The following ITGAV variants were observed in gnomAD, a reference collection of about 807,000 sequenced individuals.
ITGAV encodes the protein integrin subunit alpha V.
In ITGAV, 76 loss-of-function variants were observed where a neutral mutation model predicts 143.8. The observed-to-expected ratio is 0.53, with a 90% CI of 0.44 to 0.64. The LOEUF (loss-of-function observed/expected upper bound fraction) is 0.64. ITGAV is among the 30% of genes least tolerant of loss of function. ITGAV has a pLI of 0.00. For synonymous variants in ITGAV, 453 were observed against 446.7 expected (o/e 1.01, Z -0.18); for missense variants, 1,193 against 1,274.7 (o/e 0.94, Z 0.98).
intron 23 of ITGAV, 148 bp from the exon 24 acceptor site, chr2:186,667,523 T>C (rs1448100875): frequency 3.8e-6 from 2 of 529,562 alleles, no homozygotes; most frequent in Non-Finnish European, 6.7e-6. Context: ...TTTTTGTGCA[T>C]GTGTGTGTTC....
chr2:186,622,308 G>A (rs1366191105), intron 2 of ITGAV, 31 bp from the exon 3 acceptor site: 4 of 1,421,498 alleles, frequency 2.8e-6, no homozygotes, highest in East Asian at 4.6e-5. Flanking sequence ...AGTATATTTT[G>A]TGTCTTACCA....
At chr2:186,659,223 T>C in intron 18 of ITGAV, 48 bp downstream of exon 18, 1 of 1,284,668 alleles carries the variant, frequency 7.8e-7, no homozygotes, top group Non-Finnish European at 1.0e-6. Flanking sequence ...TATTTTTTTT[T>C]ACAATTCATA....
intron 19 of ITGAV, 33 bp downstream of exon 19, chr2:186,663,868 A>G (rs764112827): frequency 2.8e-6 from 4 of 1,425,784 alleles, no homozygotes; most frequent in Admixed American, 3.4e-5. Flanking sequence ...ATGTAGTAAG[A>G]AATTTAAATG....
chr2:186,665,648 G>A (rs1303204218), intron 21 of ITGAV, among the ~76,000 whole-genome samples: 1 of 152,214 alleles, frequency 6.6e-6, no homozygotes, highest in African/African-American at 2.4e-5. Context: ...CTCCCCTTCA[G>A]ATGGTGGAGC....
At chr2:186,590,748 T>G (rs2105639927) in intron 1 of ITGAV, among the ~76,000 whole-genome samples, 1 of 152,316 alleles carries the variant, frequency 6.6e-6, no homozygotes, top group African/African-American at 2.4e-5. Flanking sequence ...CTCTTAAAAT[T>G]GGTTAGGGGC....
Position 186,602,104 on chromosome 2 carries a change from A to G in ITGAV, c.269A>G (p.Asp90Gly). Residue 90 changes from aspartate to glycine, a missense_variant, in exon 2 of 30, where the codon GAC (aspartate) becomes GGC (glycine). Physicochemically the swap from Asp to Gly is moderately conservative, Grantham distance 94. Coordinates refer to ENST00000261023, the MANE Select transcript of ITGAV (RefSeq NM_002210.5). ...GAAGGAGGGCAGGTCCTCAAATGTG[A>G]CTGGTCTTCTACCCGCCGGTGCCAG... ...IVEGGQVLKC[D>G]WSSTRRCQPI... The G allele has an allele frequency of 6.2e-7, 1 of 1,613,262 alleles. No homozygotes were observed. The highest frequency in any genetic ancestry group is 1.3e-5 in the African/African-American group (1 of 74,952).
chr2:186,622,215 T>C lies in ITGAV; in HGVS notation c.317-124T>C, dbSNP rs1559046604. 4 of 653,550 alleles carry C rather than the reference T, an allele frequency of 6.1e-6. No homozygotes were observed. The Admixed American group carries it at 8.4e-5, about 14-fold the overall frequency. The allele number at this position is 653,550 out of a possible 1,614,324, so 40.5% of individuals were successfully genotyped here. ...GTATATAAACTGTATATGAGAAAAA[T>C]AACCAGTGGAATATTTGATTAATCA... On this transcript the variant is annotated intron_variant, in intron 2 of 29. Coordinates refer to ENST00000261023, the MANE Select transcript of ITGAV (RefSeq NM_002210.5).
chr2:186,658,972 A>G, intron 17 of ITGAV, 66 bp from the exon 18 acceptor site: 1 of 1,241,298 alleles, frequency 8.1e-7, no homozygotes, highest in Non-Finnish European at 1.1e-6. Flanking sequence ...TGTAATGTGC[A>G]CTTATGGATT....
intron 18 of ITGAV, among the ~76,000 whole-genome samples, chr2:186,661,452 T>G (rs989234930): frequency 2.6e-5 from 4 of 152,180 alleles, no homozygotes; most frequent in Admixed American, 2.0e-4. Context: ...TGCGAGCGGT[T>G]ACTATATTGG....
chr2:186,616,577 C>T (rs947897501), intron 2 of ITGAV, among the ~76,000 whole-genome samples: 2 of 152,056 alleles, frequency 1.3e-5, no homozygotes, highest in Non-Finnish European at 2.9e-5. Context: ...CGCGCCCGGC[C>T]GATATACCTT....
At position 186,679,602 on chromosome 2, in the gene ITGAV, C is replaced by T. The variant is rs2105759733; in HGVS notation, c.*2310C>T. The T allele has an allele frequency of 6.6e-6, 1 of 151,488 alleles. No individual in the cohort carries two copies. The highest frequency in any genetic ancestry group is 2.1e-4 in the South Asian group (1 of 4,806). 9.4% of individuals were successfully genotyped at this position (151,488 alleles called of 1,614,324 possible). On this transcript the variant is annotated 3_prime_UTR_variant, in exon 30 of 30. Coordinates refer to ENST00000261023, the MANE Select transcript of ITGAV (RefSeq NM_002210.5). ...TTGTGATTTATTGAGAATAAAAATC[C>T]ATTTTGAAATGTAAAATTTTTATGA...
intron 12 of ITGAV, among the ~76,000 whole-genome samples, chr2:186,643,539 A>C (rs149596545): frequency 1.3e-5 from 2 of 152,228 alleles, no homozygotes; most frequent in Non-Finnish European, 1.5e-5. Context: ...TTGTTCATAC[A>C]TGAAGACATT....
intron 12 of ITGAV, among the ~76,000 whole-genome samples, chr2:186,646,237 A>G (rs1688253247): frequency 1.3e-5 from 2 of 152,184 alleles, no homozygotes; most frequent in South Asian, 4.1e-4. Context: ...CAGAAAAAAC[A>G]ATACCATCCA....
intron 4 of ITGAV, among the ~76,000 whole-genome samples, chr2:186,626,329 G>A (rs1457444547): frequency 6.6e-6 from 1 of 152,162 alleles, no homozygotes; most frequent in Non-Finnish European, 1.5e-5. Flanking sequence ...TCTCTTTGGA[G>A]ATTCCAGTCC....
At chr2:186,669,498 A>T (rs142312542) in intron 25 of ITGAV, among the ~76,000 whole-genome samples, 169 of 152,202 alleles carry the variant, frequency 1.1e-3, no homozygotes, top group African/African-American at 3.8e-3. Context: ...GGTTAGGGAG[A>T]GCTAACTTTT....
intron 17 of ITGAV, among the ~76,000 whole-genome samples, chr2:186,656,711 A>G (rs113596364): frequency 1.5e-3 from 229 of 152,328 alleles, no homozygotes; most frequent in African/African-American, 5.3e-3. Context: ...TGAGCAATCA[A>G]CTAAAAAACT....
chr2:186,590,282 T>G lies in ITGAV; in HGVS notation c.-57T>G. 2.2e-6 allele frequency: 3 copies of G among 1,370,554 alleles called. No individual in the cohort carries two copies. The highest frequency in any genetic ancestry group is 1.8e-5 in the South Asian group (1 of 54,698). 84.9% of individuals were successfully genotyped at this position (1,370,554 alleles called of 1,614,324 possible). On this transcript the variant is annotated 5_prime_UTR_variant, in exon 1 of 30. Coordinates refer to ENST00000261023, the MANE Select transcript of ITGAV (RefSeq NM_002210.5). ...GGGCCGCGGGCACTGGGCGCCTCGC[T>G]GGGGCGGGGGGAGGTGGCTACCGCT...
chr2:186,648,935 TA>T (rs1415979005), intron 13 of ITGAV, among the ~76,000 whole-genome samples: 17 of 148,834 alleles, frequency 1.1e-4, no homozygotes, highest in Admixed American at 1.1e-3. Flanking sequence ...TATACATTTG[TA>T]TATATATACA....
intron 4 of ITGAV, 46 bp downstream of exon 4, chr2:186,625,633 G>C (rs878983973): frequency 8.3e-7 from 1 of 1,199,568 alleles, no homozygotes; most frequent in South Asian, 1.3e-5. Context: ...GGGGTGGGAA[G>C]CCTAGTTTGT....
Sources: allele counts gnomAD v4.1 joint callset (sites outside exome capture counted in the v4.1 genomes callset), GRCh38; gene constraint gnomAD v4.1.1; transcripts MANE v1.5; gene names NCBI Gene and HGNC (gene_info 2026-07-23, HGNC 2026-07-21).